The following SAMD4A variants were observed in gnomAD, a reference collection of about 807,000 sequenced individuals.
SAMD4A encodes protein Smaug homolog 1.
Under a neutral mutation model 81.3 loss-of-function variants are expected in SAMD4A, and 33 were observed. The ratio of observed to expected loss-of-function variants is 0.41; its 90% confidence interval spans 0.31 to 0.54. The LOEUF is 0.54. Among genes scored for constraint, SAMD4A ranks in the 20% least tolerant of loss-of-function variants. The probability of loss-of-function intolerance (pLI) is 0.37; values close to 1 mark genes in which losing one functional copy is unlikely to be tolerated. For synonymous variants in SAMD4A, 389 were observed against 382.1 expected (o/e 1.02, Z -0.21); for missense variants, 854 against 951.1 (o/e 0.90, Z 1.34).
intron 2 of SAMD4A, among the ~76,000 whole-genome samples, chr14:54,663,744 T>C (rs927757589): frequency 6.6e-6 from 1 of 152,172 alleles, no homozygotes; most frequent in Non-Finnish European, 1.5e-5. Flanking sequence ...TGGTTGAACC[T>C]AGGGGAGGTA....
rs920163405 is a variant in SAMD4A at position 54,567,800 on chromosome 14, A to G, written c.-117A>G. On this transcript the variant is annotated 5_prime_UTR_variant, in exon 2 of 13. Coordinates refer to ENST00000554335, the MANE Select transcript of SAMD4A (RefSeq NM_015589.6). ...CCTGCAGCGTCCGGGCACCAGAGCC[A>G]CCTTGGAACAGGAACGCGTCTCCGG... 3.0e-5 allele frequency: 33 copies of G among 1,085,838 alleles called. No individual in the cohort carries two copies. Among genetic ancestry groups the G allele is most frequent in the Non-Finnish European group, 4.1e-5 (32 of 775,482 alleles). 67.3% of individuals were successfully genotyped at this position (1,085,838 alleles called of 1,614,324 possible). A position where few individuals can be genotyped will look rare whatever the true frequency, so the allele number is the denominator to read the frequency against.
chr14:54,573,281 T>C (rs1458131790), intron 2 of SAMD4A, among the ~76,000 whole-genome samples: 1 of 152,176 alleles, frequency 6.6e-6, no homozygotes. Context: ...ATTGAGTATA[T>C]GCTATAAACA....
At chr14:54,688,058 C>G in intron 2 of SAMD4A, 1 of 985,734 alleles carries the variant, frequency 1.0e-6, no homozygotes, top group Non-Finnish European at 1.2e-6. Context: ...ATGGAGCAAT[C>G]TCTTATGTGA....
intron 2 of SAMD4A, among the ~76,000 whole-genome samples, chr14:54,579,021 C>T (rs749029228): frequency 2.0e-5 from 3 of 152,174 alleles, no homozygotes; most frequent in Non-Finnish European, 4.4e-5. Flanking sequence ...GTCTAAACCT[C>T]CATATCTTTT....
intron 3 of SAMD4A, among the ~76,000 whole-genome samples, chr14:54,728,481 A>T (rs777469054): frequency 1.3e-5 from 2 of 152,160 alleles, no homozygotes; most frequent in South Asian, 2.1e-4. Flanking sequence ...TAAACCATCC[A>T]ATTTCTCCTA....
rs116151791 is a variant in SAMD4A, at chr14:54,769,486, A to T, written c.1597-618A>T. Among the ~76,000 whole-genome samples the T allele has an allele frequency of 2.3e-3, 343 of 152,326 alleles. 3 individuals are homozygous for T. Among genetic ancestry groups the T allele is most frequent in the African/African-American group, 7.9e-3 (330 of 41,556 alleles). ...GCAAAACACACACACCAGTTTTGCTAGAAAAGAGTTCTGCAGGCATCAGAC... is the reference window on the plus strand; with the variant it reads ...GCAAAACACACACACCAGTTTTGCTTGAAAAGAGTTCTGCAGGCATCAGAC... On this transcript the variant is annotated intron_variant, in intron 8 of 12. Coordinates refer to ENST00000554335, the MANE Select transcript of SAMD4A (RefSeq NM_015589.6).
chr14:54,580,361 C>T (rs1168029175), intron 2 of SAMD4A, among the ~76,000 whole-genome samples: 1 of 152,194 alleles, frequency 6.6e-6, no homozygotes, highest in African/African-American at 2.4e-5. Flanking sequence ...TTTCTTTACT[C>T]ACAATAAAGC....
chr14:54,778,291 T>C (rs1421367335), intron 11 of SAMD4A, among the ~76,000 whole-genome samples: 2 of 152,194 alleles, frequency 1.3e-5, no homozygotes, highest in Non-Finnish European at 1.5e-5. Context: ...AAAAGCTGGG[T>C]TGTCCCGGAG....
chr14:54,758,254 C>T (rs936765981), intron 6 of SAMD4A, among the ~76,000 whole-genome samples: 1 of 152,144 alleles, frequency 6.6e-6, no homozygotes, highest in African/African-American at 2.4e-5. Flanking sequence ...CACTTCCCAC[C>T]CCTCCCCGCC....
chr14:54,638,125 A>C (rs542409139), intron 2 of SAMD4A, among the ~76,000 whole-genome samples: 16 of 152,214 alleles, frequency 1.1e-4, no homozygotes, highest in African/African-American at 3.9e-4. Context: ...ATGGCACAGC[A>C]TATGGAGTCC....
At chr14:54,590,960 A>G (rs1488002503) in intron 2 of SAMD4A, among the ~76,000 whole-genome samples, 2 of 152,202 alleles carry the variant, frequency 1.3e-5, no homozygotes, top group African/African-American at 2.4e-5. Flanking sequence ...AAGTTTTTAA[A>G]ATCAGAGTTT....
intron 12 of SAMD4A, among the ~76,000 whole-genome samples, chr14:54,787,873 C>G (rs1384488779): frequency 6.6e-6 from 1 of 152,186 alleles, no homozygotes; most frequent in Non-Finnish European, 1.5e-5. Context: ...TTATAATTCC[C>G]CAACTACCTA....
rs1951438 is a variant in SAMD4A, at chr14:54,776,491, G to A, written c.1995G>A (p.Ser665=). ...ACAGCTCAGTCCAGAGGACCCGCTC[G>A]CTGCCCGTGCACACTTCCCCACAGA... The part of the protein sequence containing the change: ...RTHSSVQRTR[S]LPVHTSPQNM... The change falls in exon 11 of 13, where the codon TCG becomes TCA. Residue 665 remains serine (S), a synonymous_variant. Transcript: ENST00000554335. 0.038 allele frequency: 60,950 copies of A among 1,595,072 alleles called. 1,314 individuals are homozygous for A. Among genetic ancestry groups the A allele is most frequent in the South Asian group, 0.056 (4,941 of 88,040 alleles).
chr14:54,778,435 C>G (rs951072579), intron 11 of SAMD4A, among the ~76,000 whole-genome samples: 1 of 152,196 alleles, frequency 6.6e-6, no homozygotes, highest in African/African-American at 2.4e-5. Flanking sequence ...TCATGCAAAC[C>G]CTCTTGTTCC....
chr14:54,736,451 G>T (rs7146871), intron 3 of SAMD4A, among the ~76,000 whole-genome samples: 1 of 151,988 alleles, frequency 6.6e-6, no homozygotes, highest in East Asian at 1.9e-4. Context: ...TAGTACTGGG[G>T]CCCTTGCTGA....
intron 3 of SAMD4A, among the ~76,000 whole-genome samples, chr14:54,715,673 A>T (rs904052574): frequency 2.0e-5 from 3 of 152,140 alleles, no homozygotes; most frequent in African/African-American, 7.2e-5. Context: ...AAATATATAA[A>T]ATGAGAAATA....
At chr14:54,693,036 G>A (rs1315356244) in intron 2 of SAMD4A, 2 of 151,996 alleles carry the variant, frequency 1.3e-5, no homozygotes, top group Non-Finnish European at 2.9e-5. Flanking sequence ...TTTAATGGGT[G>A]TCAGTTACAA....
intron 7 of SAMD4A, among the ~76,000 whole-genome samples, chr14:54,761,097 G>C (rs1657534852): frequency 1.3e-5 from 2 of 152,218 alleles, no homozygotes; most frequent in Admixed American, 1.3e-4. Context: ...CGGCTGGCCT[G>C]CCATGTGAAA....
intron 6 of SAMD4A, among the ~76,000 whole-genome samples, chr14:54,758,600 C>T (rs1264353826): frequency 2.0e-5 from 3 of 152,154 alleles, no homozygotes; most frequent in East Asian, 1.9e-4. Flanking sequence ...GAGGCTGAGG[C>T]GGACGGACCA....
Sources: allele counts gnomAD v4.1 joint callset (sites outside exome capture counted in the v4.1 genomes callset), GRCh38; gene constraint gnomAD v4.1.1; transcripts MANE v1.5; gene names NCBI Gene and HGNC (gene_info 2026-07-23, HGNC 2026-07-21).